Variants in ANKFN1 observed in about 807,000 individuals in gnomAD.
ANKFN1 encodes ankyrin repeat and fibronectin type-III domain-containing protein 1.
A neutral mutation model predicts 108.7 loss-of-function variants in ANKFN1; 74 were observed. The ratio of observed to expected loss-of-function variants is 0.68; its 90% CI spans 0.56 to 0.83. The LOEUF (loss-of-function observed/expected upper bound fraction) is 0.83, where lower values mean the gene tolerates loss of function less well. ANKFN1 is among the 40% of genes least tolerant of loss of function. ANKFN1 has a pLI of 0.00. For synonymous variants in ANKFN1, 547 were observed against 516.2 expected (o/e 1.06, Z -0.81); for missense variants, 1,505 against 1,382.3 (o/e 1.09, Z -1.41).
intron 4 of ANKFN1, among the ~76,000 whole-genome samples, chr17:56,087,578 A>C (rs550726295): frequency 6.6e-6 from 1 of 150,896 alleles, no homozygotes; most frequent in East Asian, 1.9e-4. Context: ...CCTCCAGAAA[A>C]TTTTTCAAAA....
chr17:56,099,366 C>T (rs1905595401), intron 4 of ANKFN1, among the ~76,000 whole-genome samples: 1 of 152,176 alleles, frequency 6.6e-6, no homozygotes, highest in African/African-American at 2.4e-5. Flanking sequence ...TGATTTTAGA[C>T]TGGGAGGAGT....
At chr17:56,146,341 C>T (rs1908260989) in intron 4 of ANKFN1, among the ~76,000 whole-genome samples, 3 of 152,164 alleles carry the variant, frequency 2.0e-5, no homozygotes, top group Admixed American at 6.5e-5. Flanking sequence ...GAACAGTGAG[C>T]CTCTTCTCAC....
chr17:56,402,245 A>G (rs958814457), intron 8 of ANKFN1, among the ~76,000 whole-genome samples: 2 of 151,924 alleles, frequency 1.3e-5, no homozygotes, highest in African/African-American at 4.8e-5. Flanking sequence ...TCTCTATCTT[A>G]TGGAATAGTG....
At chr17:56,433,215 A>C (rs577802888) in intron 8 of ANKFN1, among the ~76,000 whole-genome samples, 2 of 152,252 alleles carry the variant, frequency 1.3e-5, no homozygotes, top group South Asian at 2.1e-4. Flanking sequence ...TCTGCAGCCA[A>C]ATGGTGGCTG....
chr17:56,432,014 T>G (rs531844084), intron 8 of ANKFN1, among the ~76,000 whole-genome samples: 2 of 152,256 alleles, frequency 1.3e-5, no homozygotes, highest in South Asian at 4.2e-4. Flanking sequence ...CCAGGAAACA[T>G]CTCCAGGAGA....
intron 3 of ANKFN1, among the ~76,000 whole-genome samples, chr17:56,283,490 T>G (rs1350782187): frequency 6.6e-6 from 1 of 151,056 alleles, no homozygotes; most frequent in Non-Finnish European, 1.5e-5. Flanking sequence ...CCAGCCAAAA[T>G]GCCCATCAAT....
intron 1 of ANKFN1, chr17:56,206,792 C>A (rs1914576036): frequency 6.6e-6 from 1 of 152,208 alleles, no homozygotes; most frequent in Admixed American, 6.5e-5. Flanking sequence ...TGTTTCCTTT[C>A]TCCCAGACTG....
intron 4 of ANKFN1, among the ~76,000 whole-genome samples, chr17:56,073,853 A>G (rs1431314): frequency 0.18 from 27,432 of 152,146 alleles, 3,003 homozygotes; most frequent in African/African-American, 0.3. Context: ...CGTTCCTTTT[A>G]TGGCTGAATG....
At chr17:56,268,783 T>C (rs1045061754) in intron 3 of ANKFN1, among the ~76,000 whole-genome samples, 1 of 152,150 alleles carries the variant, frequency 6.6e-6, no homozygotes, top group African/African-American at 2.4e-5. Context: ...AATCATGCTT[T>C]CCCTTTATTT....
At chr17:56,058,261 C>T (rs913430990) in intron 4 of ANKFN1, among the ~76,000 whole-genome samples, 1 of 152,148 alleles carries the variant, frequency 6.6e-6, no homozygotes. Flanking sequence ...TAGATGTTAC[C>T]TTCTTCCAAT....
chr17:56,387,191 G>C (rs562431204), intron 8 of ANKFN1, among the ~76,000 whole-genome samples: 15 of 151,816 alleles, frequency 9.9e-5, no homozygotes, highest in African/African-American at 3.4e-4. Context: ...CTTTCTATGG[G>C]CTTACTTTAT....
intron 3 of ANKFN1, among the ~76,000 whole-genome samples, chr17:56,279,951 A>G (rs2144235632): frequency 6.6e-6 from 1 of 152,074 alleles, no homozygotes; most frequent in South Asian, 2.1e-4. Context: ...CCTGATGCCC[A>G]GATTGCTTGC....
chr17:56,303,156 C>T (rs2044721222), intron 3 of ANKFN1, among the ~76,000 whole-genome samples: 1 of 152,196 alleles, frequency 6.6e-6, no homozygotes, highest in African/African-American at 2.4e-5. Flanking sequence ...TTCTTTTGGA[C>T]TTCATCCCTA....
intron 1 of ANKFN1, among the ~76,000 whole-genome samples, chr17:56,171,722 A>G (rs1231872133): frequency 6.6e-6 from 1 of 152,174 alleles, no homozygotes; most frequent in Non-Finnish European, 1.5e-5. Context: ...GGTCACATAC[A>G]CTGAGTCTGA....
At chr17:56,216,124 A>C (rs917386958) in intron 2 of ANKFN1, among the ~76,000 whole-genome samples, 8 of 152,190 alleles carry the variant, frequency 5.3e-5, no homozygotes, top group African/African-American at 1.9e-4. Context: ...CCCAAATTTT[A>C]TGTATGAAGC....
intron 8 of ANKFN1, among the ~76,000 whole-genome samples, chr17:56,434,240 T>C (rs1014411783): frequency 6.6e-6 from 1 of 152,030 alleles, no homozygotes; most frequent in African/African-American, 2.4e-5. Context: ...ACTAGGAGAG[T>C]ACACGATATA....
At chr17:56,145,730 C>T (rs1425388304) in intron 4 of ANKFN1, among the ~76,000 whole-genome samples, 2 of 152,278 alleles carry the variant, frequency 1.3e-5, no homozygotes, top group Admixed American at 6.5e-5. Context: ...ATCTCCTGTC[C>T]TCACATTTCA....
intron 3 of ANKFN1, among the ~76,000 whole-genome samples, chr17:56,284,554 C>T (rs943827548): frequency 6.6e-6 from 1 of 152,096 alleles, no homozygotes. Flanking sequence ...CAGCTCAAAA[C>T]AATATGTGAT....
rs558614835 is a variant in ANKFN1 at position 56,161,878 on chromosome 17, C to T, written c.-71+8348C>T. 2.3e-4 allele frequency among the ~76,000 whole-genome samples: 35 copies of T among 152,300 alleles called. 1 individual carries two copies. In the South Asian group the frequency reaches 7.3e-3, roughly 32 times the overall value. On this transcript the variant is annotated intron_variant, in intron 1 of 20. Transcript: ENST00000682825. ...TTTGTAGAAGATTTGGGACAGTTCT[C>T]AGGGTCTATGGGAATGCTGGACAAC...
Sources: gnomAD v4.1 joint callset for allele counts (sites outside exome capture counted in the v4.1 genomes callset) on GRCh38, gnomAD v4.1.1 for gene constraint, MANE v1.5 for transcripts, NCBI Gene and HGNC (gene_info 2026-07-23, HGNC 2026-07-21) for gene names.